The following CDH18 variants were observed in gnomAD, a reference collection of about 807,000 sequenced individuals.
CDH18 encodes cadherin-18.
CDH18 carries 31 observed loss-of-function variants against 67.9 expected under a neutral mutation model. The ratio of observed to expected loss-of-function variants is 0.46; its 90% CI spans 0.34 to 0.62. The LOEUF (loss-of-function observed/expected upper bound fraction) is 0.62. CDH18 is among the 20% of genes least tolerant of loss of function. The pLI, the probability that CDH18 is intolerant of heterozygous loss-of-function variation, is 0.01. For missense variants in CDH18, 890 were observed against 975.5 expected, an observed-to-expected ratio of 0.91 and a Z score of 1.17; for synonymous variants, 362 against 347.2, an observed-to-expected ratio of 1.04 and a Z score of -0.48.
In CDH18 at chr5:20,062,805, A is replaced by C. The variant is rs144074703; in HGVS notation, c.-517-70791T>G. 1.2e-4 allele frequency among the ~76,000 whole-genome samples: 19 copies of C among 152,306 alleles called. No individual in the cohort carries two copies. The East Asian group carries it at 3.5e-3, about 28-fold the overall frequency. On this transcript the variant is annotated intron_variant, in intron 2 of 14. Transcript: ENST00000507958. ...TTTAAATAAATTAAATTTAGGACTG[A>C]ATGCTTAGGTCAGTCCTTTTCAAGC... is the stretch of plus-strand genomic sequence containing the variant.
At chr5:20,543,394 T>G (rs544876908) in intron 1 of CDH18, among the ~76,000 whole-genome samples, 1 of 152,232 alleles carries the variant, frequency 6.6e-6, no homozygotes, top group African/African-American at 2.4e-5. Flanking sequence ...ATATTTATAT[T>G]GATGAAAACA....
intron 3 of CDH18, among the ~76,000 whole-genome samples, chr5:19,832,778 A>T (rs1781200631): frequency 6.6e-6 from 1 of 152,138 alleles, no homozygotes; most frequent in African/African-American, 2.4e-5. Flanking sequence ...CATTTACTGT[A>T]TAGGAGATAT....
chr5:20,440,006 CTTT>C (rs937038224), intron 1 of CDH18, among the ~76,000 whole-genome samples: 4 of 151,468 alleles, frequency 2.6e-5, no homozygotes, highest in Non-Finnish European at 5.9e-5. Context: ...GCTTTTGTTT[CTTT>C]ATTTCCTTTT....
At chr5:20,073,282 T>G (rs1284161313) in intron 2 of CDH18, among the ~76,000 whole-genome samples, 4 of 152,042 alleles carry the variant, frequency 2.6e-5, no homozygotes, top group South Asian at 4.1e-4. Flanking sequence ...TCTCTCTCTT[T>G]TGTTTCATTG....
intron 1 of CDH18, among the ~76,000 whole-genome samples, chr5:20,484,543 A>G (rs1386880162): frequency 6.6e-6 from 1 of 152,110 alleles, no homozygotes; most frequent in African/African-American, 2.4e-5. Flanking sequence ...GTCCAACAAC[A>G]GATGAATGGA....
In CDH18 at chr5:20,155,993, A is replaced by C. The variant is rs770810049; in HGVS notation, c.-518+99451T>G. ...AGCATATGAAAAAATACGCAACATC[A>C]CTTATCATCAAAGAAATGAAAACTG... is the stretch of plus-strand genomic sequence containing the variant. On this transcript the variant is annotated intron_variant, in intron 2 of 14. Transcript: ENST00000507958. 1.5e-3 allele frequency among the ~76,000 whole-genome samples: 222 copies of C among 152,204 alleles called. 1 individual carries two copies. Among genetic ancestry groups the C allele is most frequent in the Non-Finnish European group, 1.1e-3 (77 of 67,986 alleles).
intron 9 of CDH18, among the ~76,000 whole-genome samples, chr5:19,526,302 T>C (rs536595723): frequency 1.3e-5 from 2 of 152,280 alleles, no homozygotes; most frequent in South Asian, 4.1e-4. Context: ...ATAAAAATCA[T>C]CTGTGCTTTA....
At chr5:19,865,795 C>T (rs1911861) in intron 2 of CDH18, among the ~76,000 whole-genome samples, 74,234 of 151,964 alleles carry the variant, frequency 0.49, 18,210 homozygotes, top group Middle Eastern at 0.63. Flanking sequence ...CATTTATTTT[C>T]TCTTGCTGCT....
chr5:19,838,834 G>A lies in CDH18; in HGVS notation c.153C>T (p.Pro51=), dbSNP rs200906154. 2.5e-6 allele frequency: 4 copies of A among 1,613,964 alleles called. No homozygotes were observed. The highest frequency in any genetic ancestry group is 3.4e-6 in the Non-Finnish European group (4 of 1,179,908). The change falls in exon 3 of 13, where the codon CCC becomes CCT. Residue 51 remains proline (P), a synonymous_variant. Transcript: ENST00000382275. ...IEGETEVHHR[P]KRGWVWNQFF... ...ACTGATTCCATACCCATCCCCTTTT[G>A]GGACGATGATGGACTTCGGTTTCAC... is the stretch of plus-strand genomic sequence containing the variant.
chr5:20,169,956 A>G (rs1388185404), intron 2 of CDH18, among the ~76,000 whole-genome samples: 2 of 152,064 alleles, frequency 1.3e-5, no homozygotes, highest in Non-Finnish European at 2.9e-5. Flanking sequence ...ATTAAACAAT[A>G]AGTTTTTAAA....
chr5:20,431,557 G>A (rs1312503716), intron 1 of CDH18, among the ~76,000 whole-genome samples: 1 of 147,968 alleles, frequency 6.8e-6, no homozygotes, highest in East Asian at 2.0e-4. Context: ...CAATCACAAA[G>A]AGCCAACCAG....
intron 1 of CDH18, among the ~76,000 whole-genome samples, chr5:20,343,546 A>G (rs535646580): frequency 6.6e-6 from 1 of 152,220 alleles, no homozygotes; most frequent in African/African-American, 2.4e-5. Context: ...CCCAGACTGG[A>G]TTCTCTTTAC....
At chr5:20,377,754 T>C (rs1052552836) in intron 1 of CDH18, among the ~76,000 whole-genome samples, 1 of 152,160 alleles carries the variant, frequency 6.6e-6, no homozygotes, top group African/African-American at 2.4e-5. Flanking sequence ...TTGTAATTTA[T>C]ATGGGGGAAA....
intron 5 of CDH18, among the ~76,000 whole-genome samples, chr5:19,675,109 A>G (rs1759292907): frequency 6.6e-6 from 1 of 152,074 alleles, no homozygotes; most frequent in South Asian, 2.1e-4. Context: ...GCAAGTTTTT[A>G]TTAGTGATTT....
chr5:19,528,498 A>G (rs1169650839), intron 9 of CDH18, among the ~76,000 whole-genome samples: 1 of 151,654 alleles, frequency 6.6e-6, no homozygotes, highest in African/African-American at 2.4e-5. Flanking sequence ...TAATAAAAAT[A>G]ATGATATATA....
At chr5:19,752,518 A>C (rs887642752) in intron 3 of CDH18, among the ~76,000 whole-genome samples, 6 of 152,224 alleles carry the variant, frequency 3.9e-5, no homozygotes, top group Non-Finnish European at 8.8e-5. Context: ...CAGCAGTGGC[A>C]GCAAGACCCA....
At chr5:19,874,039 A>G (rs886512165) in intron 2 of CDH18, among the ~76,000 whole-genome samples, 12 of 152,212 alleles carry the variant, frequency 7.9e-5, no homozygotes, top group African/African-American at 2.9e-4. Context: ...GTATACTGGC[A>G]TGTGCTCAAG....
At chr5:19,675,275 T>C (rs1682596667) in intron 5 of CDH18, among the ~76,000 whole-genome samples, 1 of 82,584 alleles carries the variant, frequency 1.2e-5, no homozygotes, top group African/African-American at 3.7e-5. Context: ...TGCATTGTCA[T>C]TGATAATTTT....
At chr5:19,620,293 T>C (rs891117979) in intron 5 of CDH18, among the ~76,000 whole-genome samples, 1 of 152,230 alleles carries the variant, frequency 6.6e-6, no homozygotes, top group Non-Finnish European at 1.5e-5. Flanking sequence ...CTTTAGGGTA[T>C]ATACGTCGTG....
Sources: gnomAD v4.1 joint callset for allele counts (sites outside exome capture counted in the v4.1 genomes callset) on GRCh38, gnomAD v4.1.1 for gene constraint, MANE v1.5 for transcripts, NCBI Gene and HGNC (gene_info 2026-07-23, HGNC 2026-07-21) for gene names.